ESR1: variants seen among roughly 807,000 people sequenced by gnomAD.
ESR1 encodes estrogen receptor 1, also known as estrogen receptor.
A neutral mutation model predicts 52.7 loss-of-function variants in ESR1; 12 were observed. The observed-to-expected ratio is 0.23, with a 90% confidence interval of 0.15 to 0.37. ESR1 has a LOEUF of 0.37. ESR1 is among the 10% of genes least tolerant of loss of function. The probability of loss-of-function intolerance (pLI) is 1.00; values close to 1 mark genes in which losing one functional copy is unlikely to be tolerated. For missense variants in ESR1, 584 were observed against 779.7 expected (o/e 0.75, Z 2.99); for synonymous variants, 305 against 316.8 (o/e 0.96, Z 0.39).
At chr6:151,732,384 A>G (rs903647167) in intron 2 of ESR1, among the ~76,000 whole-genome samples, 12 of 152,338 alleles carry the variant, frequency 7.9e-5, no homozygotes, top group African/African-American at 2.9e-4. Context: ...AACCTTGCCA[A>G]TATAATTCCA....
At position 152,100,157 on chromosome 6, in the gene ESR1, C is replaced by G; in HGVS notation, c.*1191C>G. ...CCCCGCATTGCCCTTTGGGGGTGCC[C>G]TGGGATCCCTGGGGTAGTCCAGCTC... On this transcript the variant is annotated 3_prime_UTR_variant, in exon 8 of 8. Coordinates refer to ENST00000206249, the MANE Select transcript of ESR1 (RefSeq NM_000125.4). 2.5e-6 allele frequency: 1 copy of G among 398,502 alleles called. No individual in the cohort carries two copies. The highest frequency in any genetic ancestry group is 4.4e-6 in the Non-Finnish European group (1 of 226,094). 24.7% of individuals were successfully genotyped at this position (398,502 alleles called of 1,614,324 possible). A position where few individuals can be genotyped will look rare whatever the true frequency, so the allele number is the denominator to read the frequency against.
At chr6:151,694,056 G>A (rs907319117) in intron 1 of ESR1, among the ~76,000 whole-genome samples, 5 of 152,166 alleles carry the variant, frequency 3.3e-5, no homozygotes, top group African/African-American at 9.7e-5. Flanking sequence ...CTTACTTTGT[G>A]CGATGCTTTT....
intron 5 of ESR1, among the ~76,000 whole-genome samples, chr6:152,026,290 C>A (rs2044141854): frequency 6.6e-6 from 1 of 151,906 alleles, no homozygotes; most frequent in Non-Finnish European, 1.5e-5. Context: ...TTTATGTTTG[C>A]TTTCTCTTTA....
chr6:152,093,330 ATCTC>A lies in ESR1; in HGVS notation c.1370-1035_1370-1032del, dbSNP rs34340611. ...CTTGTGACTACTACCTACTACCTGG[ATCTC>A]TCTCTCTCTCTCTCTCTCTTTCTCT... is the stretch of plus-strand genomic sequence containing the variant. On this transcript the variant is annotated intron_variant, in intron 6 of 7. Transcript: ENST00000206249. Among the ~76,000 whole-genome samples the A allele has an allele frequency of 6.4e-5, 8 of 125,894 alleles. 1 individual carries two copies. Among genetic ancestry groups the A allele is most frequent in the African/African-American group, 1.5e-4 (5 of 32,694 alleles). The allele number at this position is 125,894 out of a possible 152,430, so 82.6% of individuals were successfully genotyped here.
chr6:151,960,361 C>T (rs1358450746), intron 4 of ESR1, among the ~76,000 whole-genome samples: 1 of 152,144 alleles, frequency 6.6e-6, no homozygotes, highest in East Asian at 1.9e-4. Flanking sequence ...CAAAAGAAAA[C>T]AAGAGCTGGA....
intron 5 of ESR1, among the ~76,000 whole-genome samples, chr6:152,018,311 C>CA (rs149653343): frequency 0.035 from 4,729 of 136,372 alleles, 179 homozygotes; most frequent in African/African-American, 0.1. Context: ...AAAAAATATG[C>CA]AAAAAAAAAA....
At chr6:151,665,358 C>A (rs1176080645) in intron 1 of ESR1, among the ~76,000 whole-genome samples, 1 of 152,192 alleles carries the variant, frequency 6.6e-6, no homozygotes, top group Non-Finnish European at 1.5e-5. Flanking sequence ...AAGTGTTTGT[C>A]ACGACCTCTA....
At chr6:152,084,584 C>T (rs1164781726) in intron 6 of ESR1, among the ~76,000 whole-genome samples, 3 of 151,846 alleles carry the variant, frequency 2.0e-5, no homozygotes, top group East Asian at 1.9e-4. Flanking sequence ...AACTCATACA[C>T]ACACACAGAA....
intron 2 of ESR1, among the ~76,000 whole-genome samples, chr6:151,774,325 C>T (rs2347759): frequency 6.6e-6 from 1 of 152,014 alleles, no homozygotes; most frequent in South Asian, 2.1e-4. Context: ...TTTGGGAGTT[C>T]GGGAACAAAT....
intron 3 of ESR1, among the ~76,000 whole-genome samples, chr6:151,896,355 A>G (rs1584028439): frequency 6.6e-6 from 1 of 152,212 alleles, no homozygotes; most frequent in African/African-American, 2.4e-5. Context: ...TACCATTTCA[A>G]TCTTGCTGCT....
At chr6:152,103,343 A>G (rs2813543), downstream of ESR1, 142,904 of 170,504 alleles carry the variant, frequency 0.84, 60,494 homozygotes, top group African/African-American at 0.96. Flanking sequence ...CTAAAATCAA[A>G]GTGGTTAAAC....
intron 2 of ESR1, among the ~76,000 whole-genome samples, chr6:151,711,919 G>T (rs1355518340): frequency 1.3e-5 from 2 of 152,142 alleles, no homozygotes; most frequent in Non-Finnish European, 1.5e-5. Context: ...TGAAGTCTTT[G>T]TCCATGCCTG....
chr6:151,672,509 G>A (rs760845507), intron 1 of ESR1, among the ~76,000 whole-genome samples: 1 of 150,854 alleles, frequency 6.6e-6, no homozygotes, highest in Non-Finnish European at 1.5e-5. Context: ...GCTAATTTTT[G>A]TATTGTTAGC....
chr6:151,681,399 A>G (rs1311561927), intron 1 of ESR1, among the ~76,000 whole-genome samples: 1 of 146,578 alleles, frequency 6.8e-6, no homozygotes, highest in Non-Finnish European at 1.5e-5. Context: ...TGATGGCAGG[A>G]GGGGACGGCG....
In ESR1 at chr6:151,967,201, T is replaced by TA. The variant is rs574273217; in HGVS notation, c.1096+22694dup. 2.4e-4 allele frequency among the ~76,000 whole-genome samples: 37 copies of TA among 152,320 alleles called. No homozygotes were observed. In the South Asian group the frequency reaches 7.3e-3, roughly 30 times the overall value. On this transcript the variant is annotated intron_variant, in intron 4 of 7. Coordinates refer to ENST00000206249, the MANE Select transcript of ESR1 (RefSeq NM_000125.4). ...CAGAATGATCTCTTTTTTTTAATTA[T>TA]ACTGTAAGTTCTGGGATACATGTGC...
chr6:151,841,271 C>T (rs1171425063), intron 1 of ESR1, among the ~76,000 whole-genome samples: 1 of 152,198 alleles, frequency 6.6e-6, no homozygotes, highest in Non-Finnish European at 1.5e-5. Flanking sequence ...AGCTGCCACC[C>T]TATCTGTATC....
chr6:151,993,240 C>T (rs1272832520), intron 4 of ESR1, among the ~76,000 whole-genome samples: 1 of 152,076 alleles, frequency 6.6e-6, no homozygotes, highest in African/African-American at 2.4e-5. Flanking sequence ...AAGGAGAAAA[C>T]ATCTTGAACT....
At chr6:151,867,414 TACACACACACACACAC>T (rs34943625) in intron 2 of ESR1, among the ~76,000 whole-genome samples, 1 of 147,458 alleles carries the variant, frequency 6.8e-6, no homozygotes, top group South Asian at 2.2e-4. Context: ...TCAACAAATT[TACACACACACACACAC>T]ACACACACAC....
At chr6:151,780,760 C>T (rs550893985) in intron 2 of ESR1, among the ~76,000 whole-genome samples, 1 of 152,174 alleles carries the variant, frequency 6.6e-6, no homozygotes, top group East Asian at 1.9e-4. Context: ...CTCAGGAGAG[C>T]ATTTGGTGTC....
Sources: gnomAD v4.1 joint callset for allele counts (sites outside exome capture counted in the v4.1 genomes callset) on GRCh38, gnomAD v4.1.1 for gene constraint, MANE v1.5 for transcripts, NCBI Gene and HGNC (gene_info 2026-07-23, HGNC 2026-07-21) for gene names.